The following SLC23A2 variants were observed in gnomAD, a reference collection of about 807,000 sequenced individuals.
SLC23A2 encodes solute carrier family 23 member 2.
SLC23A2 carries 36 observed loss-of-function variants against 73.3 expected under a neutral mutation model. The ratio of observed to expected loss-of-function variants is 0.49; its 90% CI spans 0.38 to 0.65. SLC23A2 has a LOEUF of 0.65. Ranked by LOEUF, SLC23A2 falls within the 30% of genes least tolerant of loss-of-function variation. SLC23A2 has a pLI of 0.00. For missense variants in SLC23A2, 507 were observed against 841.6 expected, an observed-to-expected ratio of 0.60 and a Z score of 4.92; for synonymous variants, 343 against 327.3, an observed-to-expected ratio of 1.05 and a Z score of -0.52.
chr20:4,995,179 C>T (rs1403072991), intron 1 of SLC23A2, among the ~76,000 whole-genome samples: 1 of 151,982 alleles, frequency 6.6e-6, no homozygotes, highest in East Asian at 1.9e-4. Context: ...AATGTGTGAG[C>T]GTTGAGGTGG....
intron 2 of SLC23A2, among the ~76,000 whole-genome samples, chr20:4,936,896 A>G (rs1389967734): frequency 6.6e-6 from 1 of 152,184 alleles, no homozygotes; most frequent in Non-Finnish European, 1.5e-5. Context: ...ACAGGAGAGG[A>G]TGAGACTCAT....
chr20:4,869,465 T>G (rs912945610), intron 12 of SLC23A2: 3 of 147,270 alleles, frequency 2.0e-5, no homozygotes, highest in African/African-American at 8.0e-5. Flanking sequence ...AAAGTAGTGC[T>G]CTCTATCTCT....
intron 4 of SLC23A2, among the ~76,000 whole-genome samples, chr20:4,905,837 G>C (rs6084930): frequency 6.6e-6 from 1 of 152,088 alleles, no homozygotes; most frequent in East Asian, 1.9e-4. Flanking sequence ...TTAGGCAATA[G>C]GTAAACAAAG....
rs528742638 is a variant in SLC23A2, at chr20:4,943,011, C to T, written c.-154-10295G>A. Among the ~76,000 whole-genome samples the T allele has an allele frequency of 2.2e-4, 33 of 151,718 alleles. No individual in the cohort carries two copies. The South Asian group carries it at 6.7e-3, about 31-fold the overall frequency. On this transcript the variant is annotated intron_variant, in intron 2 of 16. Transcript: ENST00000338244. ...GGAAGATTGCTTGAGGCCAAGAGTTCGAGATCAGCCTGAGCAACATAGCGA... is the reference window on the plus strand; with the variant it reads ...GGAAGATTGCTTGAGGCCAAGAGTTTGAGATCAGCCTGAGCAACATAGCGA...
intron 1 of SLC23A2, among the ~76,000 whole-genome samples, chr20:4,983,462 C>T (rs573237908): frequency 5.0e-4 from 75 of 148,926 alleles, no homozygotes; most frequent in Admixed American, 2.8e-3. Context: ...CTGGCCAACA[C>T]GGTGAAACCC....
chr20:4,935,593 TC>T (rs1323816166), intron 2 of SLC23A2, among the ~76,000 whole-genome samples: 43 of 152,186 alleles, frequency 2.8e-4, no homozygotes, highest in African/African-American at 9.6e-4. Context: ...GGTCAGGAGA[TC>T]GAGACCATCC....
intron 3 of SLC23A2, among the ~76,000 whole-genome samples, chr20:4,917,250 G>A (rs1284860973): frequency 6.6e-6 from 1 of 152,168 alleles, no homozygotes; most frequent in Non-Finnish European, 1.5e-5. Context: ...GTGGATGGGT[G>A]GGGTAAAGGA....
At chr20:4,866,060 T>C (rs1376109629) in intron 13 of SLC23A2, among the ~76,000 whole-genome samples, 1 of 152,182 alleles carries the variant, frequency 6.6e-6, no homozygotes, top group South Asian at 2.1e-4. Context: ...CTCGAACTCC[T>C]GACCTCAGGT....
chr20:4,880,380 T>C (rs1030982689), intron 9 of SLC23A2, among the ~76,000 whole-genome samples: 13 of 152,214 alleles, frequency 8.5e-5, no homozygotes, highest in Non-Finnish European at 1.5e-4. Context: ...CCTTTATTAG[T>C]TCACAACCTG....
At position 4,862,071 on chromosome 20, in the gene SLC23A2, C is replaced by T. The variant is rs780982685; in HGVS notation, c.1501G>A (p.Val501Ile). The T allele has an allele frequency of 6.2e-7, 1 of 1,614,170 alleles. No homozygotes were observed. Among genetic ancestry groups the T allele is most frequent in the Non-Finnish European group, 8.5e-7 (1 of 1,179,988 alleles). The change falls in exon 15 of 17, where the codon GTT becomes ATT. Residue 501 changes from valine (V) to isoleucine (I), a missense_variant. Physicochemically the swap from Val to Ile is conservative, Grantham distance 29. Coordinates refer to ENST00000338244, the MANE Select transcript of SLC23A2 (RefSeq NM_005116.6). The surrounding 1 kb of genome is among the most constrained non-coding windows in gnomAD (Gnocchi z 5.1). ...FCTLFGMITA[V>I]GLSNLQFIDL... ...ATGAACTGCAGGTTAGAGAGGCCAA[C>T]AGCTGTGATCATTCCTGGAGAAAAA...
chr20:4,870,450 G>A (rs898919791), intron 11 of SLC23A2, among the ~76,000 whole-genome samples: 1 of 152,076 alleles, frequency 6.6e-6, no homozygotes, highest in Non-Finnish European at 1.5e-5. Flanking sequence ...GGGGGCATGT[G>A]CCTGTAATTC....
intron 2 of SLC23A2, among the ~76,000 whole-genome samples, chr20:4,946,673 C>T (rs1031850903): frequency 6.6e-6 from 1 of 152,180 alleles, no homozygotes; most frequent in African/African-American, 2.4e-5. Context: ...CCTAAAAAAG[C>T]TCCTGAGTCC....
chr20:5,003,239 C>T (rs1429260234), upstream of SLC23A2, among the ~76,000 whole-genome samples: 2 of 152,108 alleles, frequency 1.3e-5, no homozygotes, highest in South Asian at 2.1e-4. Context: ...AAAAAATTAG[C>T]CGGGCGTGGT....
At chr20:4,893,659 C>T (rs889157675) in intron 6 of SLC23A2, among the ~76,000 whole-genome samples, 3 of 152,180 alleles carry the variant, frequency 2.0e-5, no homozygotes, top group Non-Finnish European at 4.4e-5. Context: ...TTAGGGCAGA[C>T]AATCTGGTTA....
Position 4,856,715 on chromosome 20 carries a change from A to G in SLC23A2, c.*257T>C, listed in dbSNP as rs1929725310. The G allele has an allele frequency of 2.3e-6, 1 of 436,404 alleles. No individual in the cohort carries two copies. The highest frequency in any genetic ancestry group is 4.1e-6 in the Non-Finnish European group (1 of 243,532). The allele number at this position is 436,404 out of a possible 1,614,324, so 27.0% of individuals were successfully genotyped here. The stretch of plus-strand genomic sequence containing the variant: ...ATGTCCACTCCAAAGGGAGGACTGG[A>G]ACTTCAAATTTAGTGACCATGGCCA... On this transcript the variant is annotated 3_prime_UTR_variant, in exon 17 of 17. Coordinates refer to ENST00000338244, the MANE Select transcript of SLC23A2 (RefSeq NM_005116.6). The surrounding 1 kb of genome is among the most constrained non-coding windows in gnomAD (Gnocchi z 4.6).
intron 2 of SLC23A2, among the ~76,000 whole-genome samples, chr20:4,968,432 C>T (rs1002283250): frequency 3.3e-5 from 5 of 152,156 alleles, no homozygotes; most frequent in African/African-American, 9.7e-5. Flanking sequence ...CAACACAGAA[C>T]GGCTTCATGC....
intron 1 of SLC23A2, among the ~76,000 whole-genome samples, chr20:4,984,420 G>C (rs1054033875): frequency 6.6e-6 from 1 of 152,094 alleles, no homozygotes; most frequent in African/African-American, 2.4e-5. Context: ...CGGGCATGGT[G>C]GTGGGCGCCT....
At chr20:4,922,849 A>G (rs1246724207) in intron 3 of SLC23A2, among the ~76,000 whole-genome samples, 1 of 151,210 alleles carries the variant, frequency 6.6e-6, no homozygotes, top group African/African-American at 2.4e-5. Context: ...AAAAGCACAC[A>G]CACACACACA....
At chr20:4,923,659 T>C (rs1932572948) in intron 3 of SLC23A2, among the ~76,000 whole-genome samples, 1 of 152,190 alleles carries the variant, frequency 6.6e-6, no homozygotes, top group Admixed American at 6.5e-5. Context: ...ACAACTATTA[T>C]TACCATCCAA....
Sources: allele counts gnomAD v4.1 joint callset (sites outside exome capture counted in the v4.1 genomes callset), GRCh38; gene constraint gnomAD v4.1.1; non-coding constraint Gnocchi (gnomAD v3.1); transcripts MANE v1.5; gene names NCBI Gene and HGNC (gene_info 2026-07-23, HGNC 2026-07-21).